The following MAP1LC3B2 variants were observed in gnomAD, a reference collection of about 807,000 sequenced individuals.
MAP1LC3B2 encodes microtubule associated protein 1 light chain 3 beta 2, also known as microtubule-associated protein 1 light chain 3 beta 2.
For synonymous variants in MAP1LC3B2, 62 were observed against 57.8 expected, an observed-to-expected ratio of 1.07 and a Z score of -0.33; for missense variants, 155 against 154.6, an observed-to-expected ratio of 1.00 and a Z score of -0.01.
chr12:116,562,921 C>A (rs1358594136), intron 1 of MAP1LC3B2, among the ~76,000 whole-genome samples: 1 of 152,126 alleles, frequency 6.6e-6, no homozygotes, highest in Admixed American at 6.6e-5. Flanking sequence ...TCTGAGTTTT[C>A]ACCCTGTATT....
Position 116,576,099 on chromosome 12 carries a change from C to A in MAP1LC3B2, c.157C>A (p.Leu53Ile). ...QLPVLDKTKF[L>I]VPDHVNMSEL... ...TCCTGTTCTGGATAAAACAAAGTTC[C>A]TTGTACCTGACCATGTCAACATGAG... Residue 53 changes from leucine (L) to isoleucine (I), a missense_variant, in exon 2 of 2, where the codon CTT (leucine) becomes ATT (isoleucine). By Grantham distance (5) the Leu-to-Ile change is conservative. Transcript: ENST00000556529. The A allele has an allele frequency of 1.2e-6, 2 of 1,614,188 alleles. No individual in the cohort carries two copies. The highest frequency in any genetic ancestry group is 1.7e-6 in the Non-Finnish European group (2 of 1,180,040).
rs753684098 is a variant in MAP1LC3B2, at chr12:116,576,163, A to T, written c.221A>T (p.Asn74Ile). The change falls in exon 2 of 2, where the codon AAT (asparagine) becomes ATT (isoleucine). Residue 74 changes from asparagine (N) to isoleucine (I), a missense_variant. Physicochemically the swap from Asn to Ile is moderately radical, Grantham distance 149 (BLOSUM62 -3). Transcript: ENST00000556529. ...IKIIRRRLQL[N>I]ANQAFFLLVN... Reference sequence around the variant, plus strand: ...ATAATTAGAAGGCGCTTACAGCTCAATGCTAATCAGGCCTTCTTCCTGTTG... The same window carrying T: ...ATAATTAGAAGGCGCTTACAGCTCATTGCTAATCAGGCCTTCTTCCTGTTG... 1 of 1,614,160 alleles carries T rather than the reference A, an allele frequency of 6.2e-7. No homozygotes were observed. The highest frequency in any genetic ancestry group is 2.2e-5 in the East Asian group (1 of 44,888).
intron 1 of MAP1LC3B2, among the ~76,000 whole-genome samples, chr12:116,565,582 C>G (rs756863649): frequency 6.6e-6 from 1 of 152,076 alleles, no homozygotes; most frequent in African/African-American, 2.4e-5. Flanking sequence ...AACCATATCA[C>G]GGGAGAACTA....
chr12:116,570,968 CA>C (rs1225063037), intron 1 of MAP1LC3B2, among the ~76,000 whole-genome samples: 2 of 152,138 alleles, frequency 1.3e-5, no homozygotes, highest in Non-Finnish European at 2.9e-5. Context: ...AATTTTATTG[CA>C]ACTTCCTTGT....
At chr12:116,564,838 C>T (rs1869350334) in intron 1 of MAP1LC3B2, among the ~76,000 whole-genome samples, 1 of 152,192 alleles carries the variant, frequency 6.6e-6, no homozygotes, top group African/African-American at 2.4e-5. Flanking sequence ...ATGGGATCCT[C>T]CTCCCTGTGC....
intron 1 of MAP1LC3B2, chr12:116,560,205 T>TAC: frequency 2.2e-5 from 1 of 45,166 alleles, no homozygotes; most frequent in African/African-American, 7.8e-5. Flanking sequence ...TATATATATA[T>TAC]ATATATATAT....
chr12:116,561,837 C>T (rs1490973714), intron 1 of MAP1LC3B2, among the ~76,000 whole-genome samples: 1 of 152,236 alleles, frequency 6.6e-6, no homozygotes, highest in Non-Finnish European at 1.5e-5. Flanking sequence ...CAAAGCTGTT[C>T]TTGAACGAGG....
At chr12:116,571,152 C>G (rs1869519000) in intron 1 of MAP1LC3B2, among the ~76,000 whole-genome samples, 1 of 152,160 alleles carries the variant, frequency 6.6e-6, no homozygotes, top group South Asian at 2.1e-4. Flanking sequence ...TGTAGTCCAG[C>G]TTTTTCTGAA....
chr12:116,572,462 C>T (rs1054241096), intron 1 of MAP1LC3B2, among the ~76,000 whole-genome samples: 3 of 151,732 alleles, frequency 2.0e-5, no homozygotes, highest in East Asian at 1.9e-4. Context: ...CCTCCCAGGC[C>T]CACACCATTC....
chr12:116,566,345 A>T lies in MAP1LC3B2; in HGVS notation c.-102+6912A>T, dbSNP rs1869384725. On this transcript the variant is annotated intron_variant, in intron 1 of 1. Transcript: ENST00000556529. ...TGAGTCTGAGGTAGCTGCAGGCTAG[A>T]TTATTAAGCAGATTAATTCAACCAA... is the stretch of plus-strand genomic sequence containing the variant. Among the ~76,000 whole-genome samples, 5 of 152,338 alleles carry T rather than the reference A, an allele frequency of 3.3e-5. No individual in the cohort carries two copies. In the South Asian group the frequency reaches 1.0e-3, roughly 32 times the overall value.
At chr12:116,562,388 A>T (rs1592865488) in intron 1 of MAP1LC3B2, among the ~76,000 whole-genome samples, 1 of 152,242 alleles carries the variant, frequency 6.6e-6, no homozygotes, top group East Asian at 1.9e-4. Flanking sequence ...TGACTCATGC[A>T]GTGTCTTATG....
At chr12:116,565,990 C>T (rs1339766135) in intron 1 of MAP1LC3B2, among the ~76,000 whole-genome samples, 1 of 152,162 alleles carries the variant, frequency 6.6e-6, no homozygotes, top group Non-Finnish European at 1.5e-5. Flanking sequence ...CGTTCTTTCC[C>T]CTGACATCTC....
At chr12:116,572,396 G>T (rs545050026) in intron 1 of MAP1LC3B2, among the ~76,000 whole-genome samples, 1 of 137,974 alleles carries the variant, frequency 7.2e-6, no homozygotes, top group African/African-American at 2.8e-5. Flanking sequence ...ATGGAGTCTC[G>T]CTCTGTCGCC....
chr12:116,570,121 G>T (rs1408198053), intron 1 of MAP1LC3B2, among the ~76,000 whole-genome samples: 1 of 152,134 alleles, frequency 6.6e-6, no homozygotes, highest in Admixed American at 6.5e-5. Context: ...TATCATTATT[G>T]TCAGTGGCTC....
intron 1 of MAP1LC3B2, among the ~76,000 whole-genome samples, chr12:116,569,375 C>T (rs1869471298): frequency 6.6e-6 from 1 of 152,188 alleles, no homozygotes; most frequent in Non-Finnish European, 1.5e-5. Context: ...TCTATGCATT[C>T]TCTCTGGCTT....
At position 116,576,601 on chromosome 12, in the gene MAP1LC3B2, A is replaced by AG. The variant is rs1869695023; in HGVS notation, c.*281_*282insG. ...AAATACTTTGCATTCTAAAAAAAAA[A>AG]AAAAATTGCCTTACACAATGTGTAA... On this transcript the variant is annotated 3_prime_UTR_variant, in exon 2 of 2. Transcript: ENST00000556529. 6.6e-6 allele frequency among the ~76,000 whole-genome samples: 1 copy of AG among 152,012 alleles called. No homozygotes were observed. Among genetic ancestry groups the AG allele is most frequent in the African/African-American group, 2.4e-5 (1 of 41,408 alleles).
chr12:116,562,771 G>A (rs896183783), intron 1 of MAP1LC3B2, among the ~76,000 whole-genome samples: 3 of 152,048 alleles, frequency 2.0e-5, no homozygotes, highest in Non-Finnish European at 4.4e-5. Flanking sequence ...ATAGCTCCTC[G>A]TTTCTGTGTC....
intron 1 of MAP1LC3B2, among the ~76,000 whole-genome samples, 161 bp downstream of exon 1, chr12:116,559,594 G>C (rs566457940): frequency 6.6e-6 from 1 of 152,232 alleles, no homozygotes; most frequent in Admixed American, 6.5e-5. Flanking sequence ...TCACTAGTCA[G>C]ACCTGTGGGA....
chr12:116,575,698 G>A, intron 1 of MAP1LC3B2, 144 bp from the exon 2 acceptor site: 1 of 579,968 alleles, frequency 1.7e-6, no homozygotes, highest in South Asian at 2.1e-5. Flanking sequence ...GCTTGAATAA[G>A]ACCCCAAAAT....
Sources: gnomAD v4.1 joint callset for allele counts (sites outside exome capture counted in the v4.1 genomes callset) on GRCh38, gnomAD v4.1.1 for gene constraint, MANE v1.5 for transcripts, NCBI Gene and HGNC (gene_info 2026-07-23, HGNC 2026-07-21) for gene names.